Variants in NHEJ1 observed in about 807,000 individuals in gnomAD.
NHEJ1 encodes the protein non-homologous end joining factor 1, also known as non-homologous end-joining factor 1.
Under a neutral mutation model 39.4 loss-of-function variants are expected in NHEJ1, and 22 were observed. The observed-to-expected ratio is 0.56, with a 90% confidence interval of 0.40 to 0.80. The LOEUF is 0.80. Ranked by LOEUF, NHEJ1 falls within the 30% of genes least tolerant of loss-of-function variation. NHEJ1 has a pLI of 0.00. For synonymous variants in NHEJ1, 154 were observed against 135.6 expected (o/e 1.14, Z -0.94); for missense variants, 329 against 357.1 (o/e 0.92, Z 0.63).
chr2:219,154,847 TTTATA>T (rs967012921), intron 3 of NHEJ1, among the ~76,000 whole-genome samples: 23 of 148,178 alleles, frequency 1.6e-4, no homozygotes, highest in Admixed American at 5.4e-4. Flanking sequence ...TTTACATACT[TTTATA>T]TTATATTGTA....
At chr2:219,125,834 C>T (rs1949509894) in intron 5 of NHEJ1, among the ~76,000 whole-genome samples, 1 of 152,228 alleles carries the variant, frequency 6.6e-6, no homozygotes, top group Non-Finnish European at 1.5e-5. Context: ...AGAGGCAGTC[C>T]TAAAGGTTCT....
intron 3 of NHEJ1, among the ~76,000 whole-genome samples, chr2:219,156,313 T>G (rs966080920): frequency 1.3e-5 from 2 of 152,220 alleles, no homozygotes; most frequent in Admixed American, 6.5e-5. Context: ...AGTCTTTCTA[T>G]CCAGTCATCT....
At chr2:219,113,925 AC>A (rs1220076188) in intron 5 of NHEJ1, among the ~76,000 whole-genome samples, 2 of 152,170 alleles carry the variant, frequency 1.3e-5, no homozygotes, top group Non-Finnish European at 2.9e-5. Flanking sequence ...CTGAAACAGA[AC>A]TCAGTCTATC....
At chr2:219,093,243 C>T (rs2106328704) in intron 5 of NHEJ1, among the ~76,000 whole-genome samples, 1 of 152,252 alleles carries the variant, frequency 6.6e-6, no homozygotes, top group Non-Finnish European at 1.5e-5. Flanking sequence ...ACATAGAGGG[C>T]TACCCTGGCA....
At chr2:219,140,889 G>A (rs576569979) in intron 5 of NHEJ1, among the ~76,000 whole-genome samples, 1 of 152,292 alleles carries the variant, frequency 6.6e-6, no homozygotes, top group South Asian at 2.1e-4. Flanking sequence ...AATCATAAAT[G>A]ATCACGTGTG....
chr2:219,148,847 C>T (rs1427630157), intron 3 of NHEJ1, among the ~76,000 whole-genome samples: 1 of 151,574 alleles, frequency 6.6e-6, no homozygotes. Flanking sequence ...AAGAACTAGC[C>T]TAGGAAGGTA....
At chr2:219,094,073 G>A (rs144626058) in intron 5 of NHEJ1, among the ~76,000 whole-genome samples, 2 of 152,300 alleles carry the variant, frequency 1.3e-5, no homozygotes, top group East Asian at 3.9e-4. Context: ...AGGGACAGAA[G>A]GTCAACTGCT....
At chr2:219,159,571 A>ATG in intron 1 of NHEJ1, among the ~76,000 whole-genome samples, 1 of 14,690 alleles carries the variant, frequency 6.8e-5, no homozygotes, top group Non-Finnish European at 5.8e-4. Context: ...ATGCATATAT[A>ATG]TATGCATATA....
chr2:219,109,291 T>C (rs750219511), intron 5 of NHEJ1, among the ~76,000 whole-genome samples: 4 of 152,186 alleles, frequency 2.6e-5, no homozygotes, highest in African/African-American at 4.8e-5. Context: ...TATCTCATCA[T>C]CACTCACAAA....
intron 3 of NHEJ1, among the ~76,000 whole-genome samples, chr2:219,152,785 TTATTTTTATTTA>T (rs139046058): frequency 0.5 from 69,013 of 137,680 alleles, 18,829 homozygotes; most frequent in Non-Finnish European, 0.63. Context: ...ATTTATTTAT[TTATTTTTATTTA>T]TTTATTTATT....
chr2:219,157,331 T>C, intron 3 of NHEJ1, 141 bp downstream of exon 3: 2 of 708,594 alleles, frequency 2.8e-6, no homozygotes, highest in Non-Finnish European at 5.0e-6. Context: ...AGAATCCTTT[T>C]TGCCTTCTGT....
At position 219,160,784 on chromosome 2, in the gene NHEJ1, A is replaced by T. The variant is rs1260786811; in HGVS notation, c.-65T>A. On this transcript the variant is annotated 5_prime_UTR_variant, in exon 1 of 8. It adds an upstream start codon to the 5' untranslated region. Coordinates refer to ENST00000356853, the MANE Select transcript of NHEJ1 (RefSeq NM_024782.3). ...GCACGCTTTCCTGCCCGCTCGCGCA[A>T]ACCGAAAGGCCTAGAGTAAGAGGCC... 1 of 152,368 alleles carries T rather than the reference A, an allele frequency of 6.6e-6. No homozygotes were observed. The highest frequency in any genetic ancestry group is 1.9e-4 in the East Asian group (1 of 5,202). The allele number at this position is 152,368 out of a possible 1,614,324, so 9.4% of individuals were successfully genotyped here.
intron 5 of NHEJ1, among the ~76,000 whole-genome samples, chr2:219,103,082 G>A (rs1474586637): frequency 6.8e-5 from 10 of 147,234 alleles, no homozygotes; most frequent in African/African-American, 2.2e-4. Context: ...TTGGGAGGAT[G>A]AGGCAGGAGA....
At chr2:219,160,660 G>A (rs1949926801) in intron 1 of NHEJ1, 60 bp downstream of exon 1, 2 of 150,732 alleles carry the variant, frequency 1.3e-5, no homozygotes, top group Admixed American at 1.3e-4. Context: ...CCAACCCGCA[G>A]CGTCTGAGCA....
At position 219,074,772 on chromosome 2, in the gene NHEJ1, T is replaced by C. The variant is rs1383202847; in HGVS notation, c.*1609A>G. ...AAAAAAAAGTAACAAAAGAGCAAAG[T>C]AAGCCAGCTGATAGGCTGTTTTTAT... On this transcript the variant is annotated 3_prime_UTR_variant, in exon 8 of 8. Transcript: ENST00000356853. Among the ~76,000 whole-genome samples, 1 of 150,582 alleles carries C rather than the reference T, an allele frequency of 6.6e-6. No individual in the cohort carries two copies. Among genetic ancestry groups the C allele is most frequent in the African/African-American group, 2.4e-5 (1 of 41,014 alleles).
intron 5 of NHEJ1, among the ~76,000 whole-genome samples, chr2:219,136,337 G>A (rs1293749188): frequency 1.3e-5 from 2 of 149,468 alleles, no homozygotes; most frequent in African/African-American, 5.0e-5. Flanking sequence ...CGCTCAGGCT[G>A]GAGTGCAGTG....
At chr2:219,125,183 T>C (rs1949503773) in intron 5 of NHEJ1, among the ~76,000 whole-genome samples, 1 of 149,056 alleles carries the variant, frequency 6.7e-6, no homozygotes, top group South Asian at 2.1e-4. Context: ...ATACACATCA[T>C]AGATAGTGCA....
At chr2:219,081,386 C>T (rs551716596) in intron 5 of NHEJ1, among the ~76,000 whole-genome samples, 22 of 152,124 alleles carry the variant, frequency 1.4e-4, no homozygotes, top group Non-Finnish European at 2.8e-4. Flanking sequence ...GCTATAAGTG[C>T]GACTGAGCCA....
chr2:219,098,793 T>A (rs983765198), intron 5 of NHEJ1, among the ~76,000 whole-genome samples: 3 of 152,250 alleles, frequency 2.0e-5, no homozygotes, highest in East Asian at 1.9e-4. Flanking sequence ...TCTAAAAAAA[T>A]TTTTTAAATA....
Sources: allele counts gnomAD v4.1 joint callset (sites outside exome capture counted in the v4.1 genomes callset), GRCh38; gene constraint gnomAD v4.1.1; transcripts MANE v1.5; gene names NCBI Gene and HGNC (gene_info 2026-07-23, HGNC 2026-07-21).